KHNYN: variants seen among roughly 807,000 people sequenced by gnomAD.
The protein encoded by KHNYN is protein KHNYN.
In KHNYN, 42 loss-of-function variants were observed where a neutral mutation model predicts 62.7. The ratio of observed to expected loss-of-function variants is 0.67; its 90% CI spans 0.52 to 0.87. KHNYN has a LOEUF of 0.87. KHNYN is among the 40% of genes least tolerant of loss of function. The probability of loss-of-function intolerance (pLI) is 0.00; values close to 1 mark genes in which losing one functional copy is unlikely to be tolerated. For synonymous variants in KHNYN, 347 were observed against 345.6 expected (o/e 1.00, Z -0.04); for missense variants, 829 against 874.1 (o/e 0.95, Z 0.65).
Position 24,430,819 on chromosome 14 carries a change from A to G in KHNYN, c.89A>G (p.His30Arg). ...AENKVREQQP[H>R]VERIFSVGVS... is the part of the protein sequence containing the mutation. ...AACAAGGTTCGGGAACAGCAGCCCC[A>G]TGTGGAGCGCATCTTCAGCGTGGGG... Residue 30 changes from histidine to arginine, a missense_variant, in exon 2 of 8, where the codon CAT becomes CGT. Coordinates refer to ENST00000553935, the MANE Select transcript of KHNYN (RefSeq NM_015299.3). 6.2e-7 allele frequency: 1 copy of G among 1,612,768 alleles called. No homozygotes were observed. The highest frequency in any genetic ancestry group is 2.2e-5 in the East Asian group (1 of 44,818).
In KHNYN at chr14:24,440,757, G is replaced by A; in HGVS notation, c.*3472G>A. On this transcript the variant is annotated 3_prime_UTR_variant, in exon 8 of 8. Coordinates refer to ENST00000553935, the MANE Select transcript of KHNYN (RefSeq NM_015299.3). Reference sequence around the variant, plus strand: ...AGCCCAGAGAAGACATTCCAACCCTGTCTGATACCCAGGCCCGTTTCTCAC... The same window carrying A: ...AGCCCAGAGAAGACATTCCAACCCTATCTGATACCCAGGCCCGTTTCTCAC... 1 of 1,612,040 alleles carries A rather than the reference G, an allele frequency of 6.2e-7. No homozygotes were observed. The highest frequency in any genetic ancestry group is 8.5e-7 in the Non-Finnish European group (1 of 1,178,728).
upstream of KHNYN, chr14:24,427,743 G>T (rs753665053): frequency 1.9e-6 from 3 of 1,586,822 alleles, no homozygotes; most frequent in Non-Finnish European, 2.6e-6. The surrounding 1 kb of genome is among the most constrained non-coding windows in gnomAD (Gnocchi z 4.4). Context: ...GAGGGCAGAA[G>T]AAAGTTGTCA....
upstream of KHNYN, chr14:24,427,881 C>T (rs1332953973): frequency 1.2e-6 from 2 of 1,613,984 alleles, no homozygotes; most frequent in Non-Finnish European, 1.7e-6. The surrounding 1 kb of genome is among the most constrained non-coding windows in gnomAD (Gnocchi z 4.4). Flanking sequence ...ACTCGGTCCC[C>T]AGGGTCCAAG....
Position 24,431,002 on chromosome 14 carries a change from C to T in KHNYN, c.201+71C>T, listed in dbSNP as rs1185559952. 2.8e-6 allele frequency: 4 copies of T among 1,433,296 alleles called. No individual in the cohort carries two copies. In the African/African-American group the frequency reaches 5.7e-5, roughly 20 times the overall value. The allele number at this position is 1,433,296 out of a possible 1,614,324, so 88.8% of individuals were successfully genotyped here. Reference sequence around the variant, plus strand: ...TCCCCCAGGGCGGAGGAGAGCAGGGCCGAGGAGAGCAGGGAAGAGGAGGGG... The same window carrying T: ...TCCCCCAGGGCGGAGGAGAGCAGGGTCGAGGAGAGCAGGGAAGAGGAGGGG... On this transcript the variant is annotated intron_variant, in intron 2 of 7. Transcript: ENST00000553935.
At chr14:24,430,981 C>A in intron 2 of KHNYN, 50 bp downstream of exon 2, 1 of 1,548,548 alleles carries the variant, frequency 6.5e-7, no homozygotes, top group South Asian at 1.2e-5. Flanking sequence ...ACGCTTTCCC[C>A]CAGGGCGGAG....
At position 24,438,881 on chromosome 14, in the gene KHNYN, G is replaced by C. The variant is rs1300361536; in HGVS notation, c.*1596G>C. 1 of 152,184 alleles carries C rather than the reference G, an allele frequency of 6.6e-6. No homozygotes were observed. Among genetic ancestry groups the C allele is most frequent in the African/African-American group, 2.4e-5 (1 of 41,426 alleles). The allele number at this position is 152,184 out of a possible 1,614,324, so 9.4% of individuals were successfully genotyped here. On this transcript the variant is annotated 3_prime_UTR_variant, in exon 8 of 8. Transcript: ENST00000553935. ...CAGGCCCTGACTTCTGCCTCCCTCT[G>C]AGTGGCACAGGGAGTTGAATACTGC...
upstream of KHNYN, among the ~76,000 whole-genome samples, chr14:24,425,131 G>C (rs2043007603): frequency 6.6e-6 from 1 of 152,180 alleles, no homozygotes; most frequent in South Asian, 2.1e-4. Context: ...AACCCAGGAG[G>C]TGGAGGTTGC....
At chr14:24,429,600 G>GC, upstream of KHNYN, 3 of 887,766 alleles carry the variant, frequency 3.4e-6, no homozygotes, top group South Asian at 5.0e-5. Context: ...CCCGCCTCCC[G>GC]CCTACCCCCT....
At chr14:24,430,272 G>A in intron 1 of KHNYN, 153 bp downstream of exon 1, 3 of 728,298 alleles carry the variant, frequency 4.1e-6, no homozygotes, top group Non-Finnish European at 5.0e-6. Context: ...CCGACGGAGA[G>A]GGGCAGCGGA....
In KHNYN at chr14:24,432,098, G is replaced by C; in HGVS notation, c.837G>C (p.Glu279Asp). The C allele has an allele frequency of 6.4e-7, 1 of 1,558,152 alleles. No individual in the cohort carries two copies. Among genetic ancestry groups the C allele is most frequent in the Non-Finnish European group, 8.7e-7 (1 of 1,150,976 alleles). Residue 279 changes from glutamate (E) to aspartate (D), a missense_variant, in exon 3 of 8, where the codon GAG becomes GAC. By Grantham distance (45) the Glu-to-Asp change is conservative. Around this residue, in one of 2 missense-constraint regions of KHNYN, gnomAD observed 559 missense variants for 527.0 expected, o/e 1.06. Transcript: ENST00000553935. The surrounding 1 kb of genome is among the most constrained non-coding windows in gnomAD (Gnocchi z 5.6). ...GGTGGAAGGAGTTGCCTGGGGAAGA[G>C]GCGTGGGAGAGAGAAGTGGCCCTCA... Reference protein sequence around the residue: ...DWGWKELPGEEAWEREVALRP... With the variant: ...DWGWKELPGEDAWEREVALRP...
upstream of KHNYN, chr14:24,429,148 T>C: frequency 1.5e-6 from 2 of 1,337,722 alleles, no homozygotes; most frequent in Non-Finnish European, 2.0e-6. Context: ...GGCACCCTGA[T>C]CGTCTGCCCT....
Position 24,431,878 on chromosome 14 carries a change from T to C in KHNYN, c.617T>C (p.Leu206Pro), listed in dbSNP as rs755691962. 1.5e-5 allele frequency: 25 copies of C among 1,613,914 alleles called. No individual in the cohort carries two copies. The highest frequency in any genetic ancestry group is 1.9e-5 in the Non-Finnish European group (22 of 1,180,026). The change falls in exon 3 of 8, where the codon CTG (leucine) becomes CCG (proline). Residue 206 changes from leucine (L) to proline (P), a missense_variant. Transcript: ENST00000553935. ...EASSGQGPGA[L>P]ASWEGRSSAL... is the part of the protein sequence containing the mutation. The stretch of plus-strand genomic sequence containing the variant: ...TCTAGTGGGCAGGGGCCAGGAGCAC[T>C]GGCTTCTTGGGAGGGGCGGAGCTCA...
At position 24,436,475 on chromosome 14, in the gene KHNYN, G is replaced by A. The variant is rs754916081; in HGVS notation, c.1773G>A (p.Leu591=). 2 of 1,612,508 alleles carry A rather than the reference G, an allele frequency of 1.2e-6. No individual in the cohort carries two copies. The highest frequency in any genetic ancestry group is 8.5e-7 in the Non-Finnish European group (1 of 1,179,386). ...ACGGCCCCACCCTGGATGAATTTCT[G>A]AAGAAGCCAGCCAGGTAATCAATCC... The part of the protein sequence containing the change: ...GRNGPTLDEF[L]KKPARTQGSS... The change falls in exon 7 of 8, where the codon CTG becomes CTA. Residue 591 remains leucine, a synonymous_variant. Transcript: ENST00000553935.
chr14:24,430,286 CT>C, intron 1 of KHNYN, 167 bp downstream of exon 1: 1 of 695,798 alleles, frequency 1.4e-6, no homozygotes. Flanking sequence ...CAGCGGACGG[CT>C]GGGGGAGGGG....
chr14:24,426,426 T>G (rs138086189), upstream of KHNYN: 13 of 152,354 alleles, frequency 8.5e-5, no homozygotes, highest in Admixed American at 5.9e-4. Flanking sequence ...GATATCAGAT[T>G]GTTCCTGATG....
Position 24,441,474 on chromosome 14 carries a change from TGC to T in KHNYN, c.*4190_*4191del. 1.8e-6 allele frequency: 1 copy of T among 543,598 alleles called. No individual in the cohort carries two copies. The highest frequency in any genetic ancestry group is 3.2e-5 in the East Asian group (1 of 31,440). The allele number at this position is 543,598 out of a possible 1,614,324, so 33.7% of individuals were successfully genotyped here. ...TGGACTTTTCCCTGGCATTGAGTGA[TGC>T]CACTCCCCACTGTTTTTTCAGGGTC... On this transcript the variant is annotated 3_prime_UTR_variant, in exon 8 of 8. Coordinates refer to ENST00000553935, the MANE Select transcript of KHNYN (RefSeq NM_015299.3).
chr14:24,437,166 C>T lies in KHNYN; in HGVS notation c.1918C>T (p.Arg640Trp), dbSNP rs750066363. ...RKTRETERLR[R>W]QLLEVFWGQD... ...GACCCGGGAAACAGAGCGGCTCCGG[C>T]GGCAGCTGCTGGAGGTGTTTTGGGG... is the stretch of plus-strand genomic sequence containing the variant. The change falls in exon 8 of 8, where the codon CGG (arginine) becomes TGG (tryptophan). Residue 640 changes from arginine (R) to tryptophan (W), a missense_variant. By Grantham distance (101) the Arg-to-Trp change is moderately radical. Coordinates refer to ENST00000553935, the MANE Select transcript of KHNYN (RefSeq NM_015299.3). This position sits in a 1 kb window ranked among gnomAD's most constrained non-coding sequence, Gnocchi z 5.5. 9.3e-6 allele frequency: 15 copies of T among 1,614,020 alleles called. No individual in the cohort carries two copies. The highest frequency in any genetic ancestry group is 2.2e-5 in the South Asian group (2 of 91,084).
In KHNYN at chr14:24,440,477, C is replaced by G. The variant is rs557845473; in HGVS notation, c.*3192C>G. On this transcript the variant is annotated 3_prime_UTR_variant, in exon 8 of 8. Coordinates refer to ENST00000553935, the MANE Select transcript of KHNYN (RefSeq NM_015299.3). The stretch of plus-strand genomic sequence containing the variant: ...CATGTGGCCCATGGCACCACCCCCA[C>G]GGCCCAGCACAACCCCTAGAGCAGG... 1.2e-6 allele frequency: 2 copies of G among 1,606,178 alleles called. No individual in the cohort carries two copies. Among genetic ancestry groups the G allele is most frequent in the South Asian group, 1.1e-5 (1 of 89,912 alleles).
chr14:24,431,099 C>G (rs1391580905), intron 2 of KHNYN, 168 bp downstream of exon 2: 1 of 652,196 alleles, frequency 1.5e-6, no homozygotes, highest in Non-Finnish European at 2.6e-6. Flanking sequence ...AGGGACTTTC[C>G]AACTCTATAT....
Sources: gnomAD v4.1 joint callset for allele counts (sites outside exome capture counted in the v4.1 genomes callset) on GRCh38, gnomAD v4.1.1 for gene constraint, gnomAD v4.1.1 regional missense constraint, Gnocchi (gnomAD v3.1) non-coding constraint, MANE v1.5 for transcripts, NCBI Gene and HGNC (gene_info 2026-07-23, HGNC 2026-07-21) for gene names.